The following SLC49A4 variants were observed in gnomAD, a reference collection of about 807,000 sequenced individuals.
SLC49A4 encodes solute carrier family 49 member 4.
SLC49A4 carries 36 observed loss-of-function variants against 50.6 expected under a neutral mutation model. The ratio of observed to expected loss-of-function variants is 0.71; its 90% CI spans 0.55 to 0.94. The LOEUF (loss-of-function observed/expected upper bound fraction) is 0.94. Among genes scored for constraint, SLC49A4 ranks in the 40% least tolerant of loss-of-function variants. The pLI is 0.00. For synonymous variants in SLC49A4, 248 were observed against 241.2 expected (o/e 1.03, Z -0.26); for missense variants, 503 against 605.7 (o/e 0.83, Z 1.78).
In SLC49A4 at chr3:122,856,315, T is replaced by C. The variant is rs756821005; in HGVS notation, c.951T>C (p.Ala317=). 2.4e-5 allele frequency: 38 copies of C among 1,613,958 alleles called. No homozygotes were observed. The African/African-American group carries it at 3.3e-4, about 14-fold the overall frequency. The change falls in exon 6 of 9, where the codon GCT becomes GCC. Residue 317 remains alanine, a synonymous_variant. Coordinates refer to ENST00000261038, the MANE Select transcript of SLC49A4 (RefSeq NM_032839.3). ...TGCTTCTTTCTTAACAGGTAGATGC[T>C]GGCTGGATTGGATTTTGGTCCATAG... ...LTPAHVSQVD[A]GWIGFWSIVG...
At chr3:122,819,210 T>C (rs2107562296) in intron 2 of SLC49A4, among the ~76,000 whole-genome samples, 1 of 145,824 alleles carries the variant, frequency 6.9e-6, no homozygotes, top group East Asian at 2.0e-4. Flanking sequence ...TGCCACTGCA[T>C]TCCAGCCTGG....
At chr3:122,819,103 G>A (rs1936416881) in intron 2 of SLC49A4, among the ~76,000 whole-genome samples, 1 of 151,888 alleles carries the variant, frequency 6.6e-6, no homozygotes. Context: ...TTAAAAATTA[G>A]GTGTGCTAGT....
intron 6 of SLC49A4, among the ~76,000 whole-genome samples, chr3:122,857,630 A>T (rs907007718): frequency 6.6e-6 from 1 of 152,314 alleles, no homozygotes; most frequent in East Asian, 1.9e-4. Context: ...CTTTATTTGA[A>T]GTGTTAGGAA....
At chr3:122,851,087 A>G (rs541478099) in intron 5 of SLC49A4, among the ~76,000 whole-genome samples, 2 of 152,336 alleles carry the variant, frequency 1.3e-5, no homozygotes, top group East Asian at 3.9e-4. Flanking sequence ...TAAGGTTTTT[A>G]GAACCCTTTA....
At chr3:122,821,295 A>T (rs1456157874) in intron 2 of SLC49A4, among the ~76,000 whole-genome samples, 1 of 152,038 alleles carries the variant, frequency 6.6e-6, no homozygotes, top group Non-Finnish European at 1.5e-5. Flanking sequence ...GCTTGTGGGG[A>T]TGGGATGAGC....
At chr3:122,845,656 T>A (rs1936838716) in intron 4 of SLC49A4, 107 bp from the exon 5 acceptor site, 1 of 416,608 alleles carries the variant, frequency 2.4e-6, no homozygotes, top group Non-Finnish European at 4.1e-6. Flanking sequence ...CTGCAGATAT[T>A]TTCTGATTCT....
At chr3:122,849,225 G>C (rs918094391) in intron 5 of SLC49A4, among the ~76,000 whole-genome samples, 1 of 152,138 alleles carries the variant, frequency 6.6e-6, no homozygotes, top group Non-Finnish European at 1.5e-5. Flanking sequence ...CACTTAGGTT[G>C]TTTCCAAACC....
intron 6 of SLC49A4, 104 bp from the exon 7 acceptor site, chr3:122,859,971 G>A: frequency 9.7e-7 from 1 of 1,031,848 alleles, no homozygotes. Context: ...TCTTTTAAAA[G>A]AATATATGGA....
At position 122,826,785 on chromosome 3, in the gene SLC49A4, A is replaced by G; in HGVS notation, c.438-15A>G. The stretch of plus-strand genomic sequence containing the variant: ...GTTTCAAATACCTCACAGCCTTTTA[A>G]TTTTTAAATTCCAGATTAATTCATG... On this transcript the variant is annotated splice_polypyrimidine_tract_variant and intron_variant, in intron 2 of 8. Transcript: ENST00000261038. 6.2e-7 allele frequency: 1 copy of G among 1,608,372 alleles called. No individual in the cohort carries two copies.
chr3:122,815,908 G>A (rs1223555801), intron 2 of SLC49A4, among the ~76,000 whole-genome samples: 5 of 152,122 alleles, frequency 3.3e-5, no homozygotes, highest in Non-Finnish European at 5.9e-5. Flanking sequence ...TGGTAGAAGC[G>A]TTTTGTAGTA....
chr3:122,835,362 C>T (rs146266524), intron 4 of SLC49A4, among the ~76,000 whole-genome samples: 49 of 152,104 alleles, frequency 3.2e-4, no homozygotes, highest in Admixed American at 1.8e-3. Context: ...ATCATAGATA[C>T]AAAAATCCTT....
At chr3:122,859,617 TG>T (rs1308366212) in intron 6 of SLC49A4, among the ~76,000 whole-genome samples, 1 of 152,092 alleles carries the variant, frequency 6.6e-6, no homozygotes, top group Non-Finnish European at 1.5e-5. Flanking sequence ...GAGGCTGAGG[TG>T]GGAGGATCCT....
intron 1 of SLC49A4, among the ~76,000 whole-genome samples, chr3:122,801,733 G>C (rs1205805627): frequency 6.6e-6 from 1 of 152,180 alleles, no homozygotes; most frequent in East Asian, 1.9e-4. Context: ...AGATCTGAGA[G>C]ACCAGCATAC....
chr3:122,809,395 T>C (rs1936266428), intron 2 of SLC49A4, among the ~76,000 whole-genome samples: 1 of 152,168 alleles, frequency 6.6e-6, no homozygotes, highest in South Asian at 2.1e-4. Flanking sequence ...CAGATTTTCA[T>C]GTAAGCTTAA....
intron 2 of SLC49A4, among the ~76,000 whole-genome samples, chr3:122,818,805 G>A (rs368364898): frequency 2.4e-4 from 37 of 151,972 alleles, no homozygotes; most frequent in African/African-American, 2.9e-4. Flanking sequence ...TTAGCCGGGC[G>A]TGGTGGGGTG....
chr3:122,826,598 A>G (rs1161144535), intron 2 of SLC49A4, among the ~76,000 whole-genome samples: 2 of 152,224 alleles, frequency 1.3e-5, no homozygotes, highest in Non-Finnish European at 2.9e-5. Context: ...AATGGTAACT[A>G]TTACTATGTT....
intron 5 of SLC49A4, among the ~76,000 whole-genome samples, chr3:122,848,607 T>G (rs562784231): frequency 1.2e-4 from 19 of 152,306 alleles, no homozygotes; most frequent in African/African-American, 4.6e-4. Flanking sequence ...TATGTGTTTG[T>G]TAGCTTTATT....
At position 122,801,709 on chromosome 3, in the gene SLC49A4, G is replaced by T. The variant is rs769685432; in HGVS notation, c.344-5148G>T. Among the ~76,000 whole-genome samples the T allele has an allele frequency of 3.6e-4, 55 of 152,298 alleles. 1 individual carries two copies. The highest frequency in any genetic ancestry group is 1.1e-3 in the Admixed American group (17 of 15,302). On this transcript the variant is annotated intron_variant, in intron 1 of 8. Coordinates refer to ENST00000261038, the MANE Select transcript of SLC49A4 (RefSeq NM_032839.3). ...GGAAAAGAGCGTACCTCAGACCATG[G>T]AACAAGAGGTCAGAGATCTGAGAGA... is the stretch of plus-strand genomic sequence containing the variant.
At chr3:122,867,374 C>T (rs1322734908) in intron 7 of SLC49A4, among the ~76,000 whole-genome samples, 1 of 152,024 alleles carries the variant, frequency 6.6e-6, no homozygotes, top group African/African-American at 2.4e-5. Context: ...AGTCTGTAAG[C>T]CTTAATCATA....
Sources: gnomAD v4.1 joint callset for allele counts (sites outside exome capture counted in the v4.1 genomes callset) on GRCh38, gnomAD v4.1.1 for gene constraint, MANE v1.5 for transcripts, NCBI Gene and HGNC (gene_info 2026-07-23, HGNC 2026-07-21) for gene names.